PCDHA4: variants seen among roughly 807,000 people sequenced by gnomAD.
The protein encoded by PCDHA4 is protocadherin alpha-4.
Under a neutral mutation model 61.4 loss-of-function variants are expected in PCDHA4, and 49 were observed. That is an observed-to-expected ratio of 0.80 (90% CI 0.63 to 1.01). The LOEUF is 1.01. Among genes scored for constraint, PCDHA4 ranks in the 50% least tolerant of loss-of-function variants. The probability of loss-of-function intolerance (pLI) is 0.00; values close to 1 mark genes in which losing one functional copy is unlikely to be tolerated. For synonymous variants in PCDHA4, 590 were observed against 550.3 expected, an observed-to-expected ratio of 1.07 and a Z score of -1.01; for missense variants, 1,254 against 1,235.8, an observed-to-expected ratio of 1.01 and a Z score of -0.22.
At chr5:140,960,476 A>G (rs900807612) in intron 1 of PCDHA4, among the ~76,000 whole-genome samples, 3 of 152,178 alleles carry the variant, frequency 2.0e-5, no homozygotes, top group South Asian at 2.1e-4. Context: ...TCCTTCTTAC[A>G]CAGAGGTGTA....
intron 1 of PCDHA4, chr5:140,870,636 G>C (rs2153249494): frequency 6.2e-7 from 1 of 1,612,910 alleles, no homozygotes; most frequent in Non-Finnish European, 8.5e-7. Context: ...CGGTGCACGC[G>C]GAGAGCGGCA....
chr5:140,980,265 A>G (rs1041506600), intron 2 of PCDHA4, among the ~76,000 whole-genome samples: 1 of 152,258 alleles, frequency 6.6e-6, no homozygotes, highest in Non-Finnish European at 1.5e-5. Flanking sequence ...CATGGTTTAC[A>G]GTACCAACTC....
intron 3 of PCDHA4, among the ~76,000 whole-genome samples, chr5:140,999,046 T>C (rs2097844534): frequency 6.6e-6 from 1 of 152,228 alleles, no homozygotes; most frequent in South Asian, 2.1e-4. Flanking sequence ...CAGTGTGCTT[T>C]CCACCATGCC....
intron 1 of PCDHA4, among the ~76,000 whole-genome samples, chr5:140,922,848 C>A (rs1345344826): frequency 6.6e-6 from 1 of 151,962 alleles, no homozygotes; most frequent in Non-Finnish European, 1.5e-5. Context: ...TCAAAGAGAC[C>A]AAATACATAG....
chr5:140,814,488 A>C (rs1214995772), intron 1 of PCDHA4: 1 of 151,974 alleles, frequency 6.6e-6, no homozygotes, highest in Non-Finnish European at 1.5e-5. Context: ...TATAAGTAGA[A>C]AGAGTACACT....
chr5:140,863,411 T>G, intron 1 of PCDHA4: 4 of 754,032 alleles, frequency 5.3e-6, no homozygotes, highest in African/African-American at 1.8e-5. Context: ...CCCACGCTGG[T>G]GTACCGCAGC....
At chr5:140,932,349 C>A (rs2088248613) in intron 1 of PCDHA4, among the ~76,000 whole-genome samples, 1 of 151,900 alleles carries the variant, frequency 6.6e-6, no homozygotes, top group Admixed American at 6.6e-5. Flanking sequence ...ACTTACCATA[C>A]AACTGGCCTT....
At chr5:140,862,045 A>T (rs544547077) in intron 1 of PCDHA4, 1 of 155,812 alleles carries the variant, frequency 6.4e-6, no homozygotes, top group South Asian at 2.0e-4. Context: ...AAACCGTCAC[A>T]TTGTTTCTTT....
intron 1 of PCDHA4, among the ~76,000 whole-genome samples, chr5:140,873,178 T>C (rs2054146585): frequency 6.6e-6 from 1 of 152,190 alleles, no homozygotes; most frequent in Non-Finnish European, 1.5e-5. Context: ...TTTTGTATCA[T>C]AATATTCATT....
intron 1 of PCDHA4, chr5:140,883,099 A>C: frequency 6.2e-7 from 1 of 1,614,150 alleles, no homozygotes. Flanking sequence ...ATGGAGATAT[A>C]GTTTACTCAT....
intron 1 of PCDHA4, chr5:140,966,789 C>G (rs782194817): frequency 6.5e-7 from 1 of 1,528,572 alleles, no homozygotes; most frequent in East Asian, 2.4e-5. Context: ...GGCACCAGAC[C>G]TGCGGCGACA....
intron 1 of PCDHA4, among the ~76,000 whole-genome samples, chr5:140,941,274 C>T (rs1267060320): frequency 2.7e-3 from 120 of 44,772 alleles, no homozygotes; most frequent in African/African-American, 7.9e-3. Flanking sequence ...TCTTTCTTTC[C>T]TTCCTTCCTT....
intron 1 of PCDHA4, chr5:140,823,821 G>C: frequency 1.2e-6 from 2 of 1,613,800 alleles, no homozygotes; most frequent in Non-Finnish European, 8.5e-7. Context: ...CGCGGGCGTC[G>C]GCGGGCGCTG....
Position 140,843,486 on chromosome 5 carries a change from G to A in PCDHA4, c.2385+33914G>A. The A allele has an allele frequency of 2.5e-6, 4 of 1,595,976 alleles. 1 individual carries two copies. The highest frequency in any genetic ancestry group is 1.7e-5 in the Admixed American group (1 of 59,314). ...ACGCTGCTGCTGTACACTGCGCTGC[G>A]GTGCTCAGCACTGCCCACTGAGGGC... On this transcript the variant is annotated intron_variant, in intron 1 of 3. Transcript: ENST00000530339.
chr5:140,968,295 A>G lies in PCDHA4; in HGVS notation c.2386-10654A>G, dbSNP rs782722853. 4 of 1,613,916 alleles carry G rather than the reference A, an allele frequency of 2.5e-6. No homozygotes were observed. The Admixed American group carries it at 5.0e-5, about 20-fold the overall frequency. ...GCAGAGGTGACCTACTCCCTTCTGG[A>G]GAGGGAGATTCAAGGGCTGCCAGTC... On this transcript the variant is annotated intron_variant, in intron 1 of 3. Coordinates refer to ENST00000530339, the MANE Select transcript of PCDHA4 (RefSeq NM_018907.4).
Position 140,914,039 on chromosome 5 carries a change from G to A in PCDHA4, c.2386-64910G>A, listed in dbSNP as rs147787020. Among the ~76,000 whole-genome samples the A allele has an allele frequency of 2.0e-5, 3 of 152,238 alleles. No individual in the cohort carries two copies. In the East Asian group the frequency reaches 5.8e-4, roughly 29 times the overall value. ...ATGATCCACGTGCTGAGAAGAATGT[G>A]TATTCTGCAGCTGTTGGATGAAATG... is the stretch of plus-strand genomic sequence containing the variant. On this transcript the variant is annotated intron_variant, in intron 1 of 3. Coordinates refer to ENST00000530339, the MANE Select transcript of PCDHA4 (RefSeq NM_018907.4).
At chr5:140,967,939 C>T in intron 1 of PCDHA4, 1 of 1,614,188 alleles carries the variant, frequency 6.2e-7, no homozygotes, top group Non-Finnish European at 8.5e-7. Context: ...GTGTCAATGA[C>T]CAAGACTCAG....
At chr5:140,984,964 G>A (rs930753325) in intron 3 of PCDHA4, among the ~76,000 whole-genome samples, 1 of 151,936 alleles carries the variant, frequency 6.6e-6, no homozygotes. Context: ...TTGAGACAGA[G>A]TCTCGCTCTG....
intron 3 of PCDHA4, among the ~76,000 whole-genome samples, chr5:140,995,291 G>A (rs958346050): frequency 1.4e-4 from 22 of 152,086 alleles, no homozygotes; most frequent in African/African-American, 4.6e-4. Flanking sequence ...ACAGCCAGTC[G>A]GATACCAAGA....
Sources: gnomAD v4.1 joint callset for allele counts (sites outside exome capture counted in the v4.1 genomes callset) on GRCh38, gnomAD v4.1.1 for gene constraint, MANE v1.5 for transcripts, NCBI Gene and HGNC (gene_info 2026-07-23, HGNC 2026-07-21) for gene names.